Variants in FAT4 observed in about 807,000 individuals in gnomAD.
The protein encoded by FAT4 is FAT atypical cadherin 4.
FAT4 carries 84 observed loss-of-function variants against 303.9 expected under a neutral mutation model. The ratio of observed to expected loss-of-function variants is 0.28; its 90% CI spans 0.23 to 0.33. The LOEUF (loss-of-function observed/expected upper bound fraction) is 0.33. FAT4 is among the 10% of genes least tolerant of loss of function. FAT4 has a pLI of 1.00. For missense variants in FAT4, 6,005 were observed against 6,146.8 expected, an observed-to-expected ratio of 0.98 and a Z score of 0.77; for synonymous variants, 2,307 against 2,298.8, an observed-to-expected ratio of 1.00 and a Z score of -0.10.
At position 125,315,027 on chromosome 4, in the gene FAT4, C is replaced by T. The variant is rs1175692000; in HGVS notation, c.-963C>T. ...CTGCTCCAGCTCGCGGTCTTCCCTCCCCCTCTGTTTGTGTTTCGGCGACGC... is the reference window on the plus strand; with the variant it reads ...CTGCTCCAGCTCGCGGTCTTCCCTCTCCCTCTGTTTGTGTTTCGGCGACGC... On this transcript the variant is annotated 5_prime_UTR_variant, in exon 1 of 18. Coordinates refer to ENST00000394329, the MANE Select transcript of FAT4 (RefSeq NM_001291303.3). Among the ~76,000 whole-genome samples the T allele has an allele frequency of 1.3e-5, 2 of 152,078 alleles. No individual in the cohort carries two copies. Among genetic ancestry groups the T allele is most frequent in the Non-Finnish European group, 2.9e-5 (2 of 67,998 alleles).
rs138818230 is a variant in FAT4 at position 125,383,896 on chromosome 4, A to G, written c.5176-14888A>G. 3.9e-3 allele frequency among the ~76,000 whole-genome samples: 600 copies of G among 152,288 alleles called. 8 individuals carry two copies. Among genetic ancestry groups the G allele is most frequent in the African/African-American group, 0.014 (584 of 41,576 alleles). On this transcript the variant is annotated intron_variant, in intron 2 of 17. Coordinates refer to ENST00000394329, the MANE Select transcript of FAT4 (RefSeq NM_001291303.3). Reference sequence around the variant, plus strand: ...CCTTTTTATTAAGCAAAATGTGACAAAATTGTTGGAATAACCAGAATGAAA... The same window carrying G: ...CCTTTTTATTAAGCAAAATGTGACAGAATTGTTGGAATAACCAGAATGAAA...
At chr4:125,371,912 T>C (rs533468756) in intron 2 of FAT4, among the ~76,000 whole-genome samples, 1 of 152,216 alleles carries the variant, frequency 6.6e-6, no homozygotes, top group South Asian at 2.1e-4. Flanking sequence ...CTCTATTCCA[T>C]CAGGGTGGGA....
At chr4:125,356,629 A>T (rs1732438247) in intron 2 of FAT4, among the ~76,000 whole-genome samples, 1 of 149,334 alleles carries the variant, frequency 6.7e-6, no homozygotes, top group Non-Finnish European at 1.5e-5. Context: ...AGTTATTTTA[A>T]AAAGTGACAA....
intron 12 of FAT4, among the ~76,000 whole-genome samples, chr4:125,473,706 A>G (rs1726937326): frequency 6.6e-6 from 1 of 152,060 alleles, no homozygotes; most frequent in African/African-American, 2.4e-5. Context: ...TTACCTGATG[A>G]CCTCCAAGGT....
In FAT4 at chr4:125,492,909, G is replaced by T. The variant is rs1255025238; in HGVS notation, c.*1141G>T. The T allele has an allele frequency of 6.6e-6, 1 of 152,254 alleles. No individual in the cohort carries two copies. Among genetic ancestry groups the T allele is most frequent in the Non-Finnish European group, 1.5e-5 (1 of 67,970 alleles). 9.4% of individuals were successfully genotyped at this position (152,254 alleles called of 1,614,324 possible). On this transcript the variant is annotated 3_prime_UTR_variant, in exon 18 of 18. Transcript: ENST00000394329. ...TTTCTACTTGTAAATGTCAACAATAGAATTAAAATATTTATTTAAAATATT... is the reference window on the plus strand; with the variant it reads ...TTTCTACTTGTAAATGTCAACAATATAATTAAAATATTTATTTAAAATATT...
At chr4:125,376,153 TTGTG>T (rs1416955252) in intron 2 of FAT4, among the ~76,000 whole-genome samples, 1 of 152,252 alleles carries the variant, frequency 6.6e-6, no homozygotes, top group Non-Finnish European at 1.5e-5. Flanking sequence ...GGTTTGTTAT[TTGTG>T]TAAGAATTAT....
chr4:125,383,064 A>T (rs1733600068), intron 2 of FAT4, among the ~76,000 whole-genome samples: 1 of 152,164 alleles, frequency 6.6e-6, no homozygotes, highest in Admixed American at 6.6e-5. Flanking sequence ...CGTGTCAGCA[A>T]TAAGGCTGTT....
intron 12 of FAT4, among the ~76,000 whole-genome samples, chr4:125,470,532 A>T (rs1487405068): frequency 2.0e-5 from 3 of 152,174 alleles, no homozygotes; most frequent in Non-Finnish European, 4.4e-5. Context: ...AACTTGCTGC[A>T]GCTTCTATAT....
At chr4:125,335,198 T>C (rs981884646) in intron 2 of FAT4, among the ~76,000 whole-genome samples, 1 of 152,174 alleles carries the variant, frequency 6.6e-6, no homozygotes. Context: ...GTGTCTATTA[T>C]TGTGTTTTCT....
intron 7 of FAT4, among the ~76,000 whole-genome samples, chr4:125,431,080 TACAG>T (rs1725268091): frequency 6.6e-6 from 1 of 152,164 alleles, no homozygotes; most frequent in Non-Finnish European, 1.5e-5. Flanking sequence ...ATATATGGTT[TACAG>T]ACAAAGAAAG....
chr4:125,318,342 T>C lies in FAT4; in HGVS notation c.1931T>C (p.Ile644Thr), dbSNP rs774489879. Reference sequence around the variant, plus strand: ...CCTGTGTCTGGGAGGTTGAGTACTATTTCCTCCTTGGACAGAGAAGAGCAA... The same window carrying C: ...CCTGTGTCTGGGAGGTTGAGTACTACTTCCTCCTTGGACAGAGAAGAGCAA... ...LDPVSGRLST[I>T]SSLDREEQAF... is the part of the protein sequence containing the mutation. The change falls in exon 2 of 18, where the codon ATT becomes ACT. Residue 644 changes from isoleucine (I) to threonine (T), a missense_variant. Physicochemically the swap from Ile to Thr is moderately conservative, Grantham distance 89. Coordinates refer to ENST00000394329, the MANE Select transcript of FAT4 (RefSeq NM_001291303.3). 1 of 1,614,192 alleles carries C rather than the reference T, an allele frequency of 6.2e-7. No individual in the cohort carries two copies. Among genetic ancestry groups the C allele is most frequent in the South Asian group, 1.1e-5 (1 of 91,076 alleles).
intron 8 of FAT4, among the ~76,000 whole-genome samples, chr4:125,437,006 C>A (rs1293377203): frequency 1.3e-5 from 2 of 152,040 alleles, no homozygotes; most frequent in African/African-American, 4.8e-5. Context: ...AGGTGCACGC[C>A]ACCACACTCG....
At chr4:125,479,996 A>G (rs1054854611) in intron 15 of FAT4, 131 bp downstream of exon 15, 3 of 671,886 alleles carry the variant, frequency 4.5e-6, no homozygotes, top group Admixed American at 8.0e-5. Flanking sequence ...ATGGACAATA[A>G]TTGGTAAAAT....
chr4:125,368,427 G>T (rs1216165247), intron 2 of FAT4, among the ~76,000 whole-genome samples: 1 of 150,358 alleles, frequency 6.7e-6, no homozygotes, highest in Non-Finnish European at 1.5e-5. Flanking sequence ...GAGCCAATGT[G>T]CCTGACTGGT....
At chr4:125,368,541 A>AC (rs11391728) in intron 2 of FAT4, among the ~76,000 whole-genome samples, 1 of 141,234 alleles carries the variant, frequency 7.1e-6, no homozygotes, top group Non-Finnish European at 1.6e-5. Flanking sequence ...TATATATATA[A>AC]AAATCATATT....
chr4:125,476,755 T>C (rs906954294), intron 13 of FAT4, among the ~76,000 whole-genome samples: 1 of 152,200 alleles, frequency 6.6e-6, no homozygotes, highest in African/African-American at 2.4e-5. Flanking sequence ...AATCAACTTA[T>C]TGGCATCCCT....
intron 5 of FAT4, 145 bp from the exon 6 acceptor site, chr4:125,414,739 T>C (rs149709412): frequency 1.7e-6 from 1 of 604,824 alleles, no homozygotes; most frequent in African/African-American, 1.8e-5. Context: ...AAGCAGTATA[T>C]AGATCATTTG....
At chr4:125,478,581 G>A (rs1727113919) in intron 14 of FAT4, among the ~76,000 whole-genome samples, 1 of 152,046 alleles carries the variant, frequency 6.6e-6, no homozygotes, top group Admixed American at 6.5e-5. Context: ...GCCCAGGCTG[G>A]AGTGCAATGG....
At chr4:125,381,975 G>A (rs918036521) in intron 2 of FAT4, among the ~76,000 whole-genome samples, 4 of 152,150 alleles carry the variant, frequency 2.6e-5, no homozygotes, top group African/African-American at 7.2e-5. Context: ...ATCTTCATCT[G>A]TTCTAGTTTT....
Sources: gnomAD v4.1 joint callset for allele counts (sites outside exome capture counted in the v4.1 genomes callset) on GRCh38, gnomAD v4.1.1 for gene constraint, MANE v1.5 for transcripts, NCBI Gene and HGNC (gene_info 2026-07-23, HGNC 2026-07-21) for gene names.